The following LMBR1 variants were observed in gnomAD, a reference collection of about 807,000 sequenced individuals.
LMBR1 encodes limb development membrane protein 1.
Under a neutral mutation model 73.9 loss-of-function variants are expected in LMBR1, and 52 were observed. That is an observed-to-expected ratio of 0.70 (90% CI 0.56 to 0.89). LMBR1 has a LOEUF of 0.89. Ranked by LOEUF, LMBR1 falls within the 40% of genes least tolerant of loss-of-function variation. LMBR1 has a pLI of 0.00. For missense variants in LMBR1, 539 were observed against 579.8 expected, an observed-to-expected ratio of 0.93 and a Z score of 0.72; for synonymous variants, 215 against 209.4, an observed-to-expected ratio of 1.03 and a Z score of -0.23.
intron 1 of LMBR1, among the ~76,000 whole-genome samples, chr7:156,876,235 T>C (rs746088330): frequency 8.5e-5 from 13 of 152,186 alleles, no homozygotes; most frequent in Non-Finnish European, 1.5e-4. Context: ...GGACATTATA[T>C]AATGATAAAA....
intron 2 of LMBR1, among the ~76,000 whole-genome samples, chr7:156,835,670 G>C (rs956978453): frequency 6.7e-6 from 1 of 149,304 alleles, no homozygotes; most frequent in Non-Finnish European, 1.5e-5. Context: ...ACTCCCGCCT[G>C]GGCGACAGAG....
intron 9 of LMBR1, among the ~76,000 whole-genome samples, chr7:156,748,453 G>A (rs996175792): frequency 2.6e-5 from 4 of 151,922 alleles, no homozygotes; most frequent in Admixed American, 1.3e-4. Flanking sequence ...AAAGTAGCTC[G>A]GGTATATTAA....
chr7:156,841,534 G>A (rs1038203583), intron 1 of LMBR1, among the ~76,000 whole-genome samples: 2 of 152,154 alleles, frequency 1.3e-5, no homozygotes, highest in African/African-American at 4.8e-5. Context: ...AGCTGACTGA[G>A]AAGCAGCAGT....
At chr7:156,832,882 A>G (rs1836931977) in intron 3 of LMBR1, among the ~76,000 whole-genome samples, 1 of 152,210 alleles carries the variant, frequency 6.6e-6, no homozygotes, top group South Asian at 2.1e-4. Flanking sequence ...GAAGGAGACT[A>G]AAGGACATGA....
intron 9 of LMBR1, among the ~76,000 whole-genome samples, chr7:156,738,927 T>C (rs1818389212): frequency 6.6e-6 from 1 of 152,130 alleles, no homozygotes. Context: ...AAAGACTCCT[T>C]CTGCTTGAGA....
At chr7:156,698,106 A>T (rs1435017715) in intron 15 of LMBR1, among the ~76,000 whole-genome samples, 1 of 152,254 alleles carries the variant, frequency 6.6e-6, no homozygotes, top group Non-Finnish European at 1.5e-5. Flanking sequence ...TCCAAAATCC[A>T]GCAGGGCAGT....
At chr7:156,713,059 C>T (rs1038060843) in intron 15 of LMBR1, among the ~76,000 whole-genome samples, 27 of 152,102 alleles carry the variant, frequency 1.8e-4, no homozygotes, top group African/African-American at 6.3e-4. Flanking sequence ...TCTTATTCCA[C>T]GTTAAAAAGA....
chr7:156,732,968 A>G (rs1045776106), intron 10 of LMBR1, among the ~76,000 whole-genome samples: 1 of 152,104 alleles, frequency 6.6e-6, no homozygotes, highest in Non-Finnish European at 1.5e-5. Context: ...ACATGGCAAA[A>G]CCCCAACTCT....
intron 15 of LMBR1, among the ~76,000 whole-genome samples, chr7:156,694,214 G>A (rs1429190015): frequency 6.6e-6 from 1 of 152,042 alleles, no homozygotes. Flanking sequence ...AGGCTAGAGT[G>A]CAGAGCCTCA....
chr7:156,736,492 C>T (rs769388631), intron 9 of LMBR1: 4 of 456,376 alleles, frequency 8.8e-6, no homozygotes, highest in African/African-American at 2.0e-5. Context: ...CAAACACATA[C>T]GTGGGTTTGC....
At chr7:156,772,627 C>A (rs1480474525) in intron 5 of LMBR1, among the ~76,000 whole-genome samples, 1 of 152,016 alleles carries the variant, frequency 6.6e-6, no homozygotes, top group Non-Finnish European at 1.5e-5. Flanking sequence ...CTGGGTGGAT[C>A]ACCTGAGGTC....
At chr7:156,749,094 A>C (rs1820368316) in intron 9 of LMBR1, among the ~76,000 whole-genome samples, 1 of 152,224 alleles carries the variant, frequency 6.6e-6, no homozygotes, top group Non-Finnish European at 1.5e-5. Flanking sequence ...TTTCACGCTA[A>C]TACCAGACAT....
At chr7:156,803,532 G>T (rs1362246515) in intron 4 of LMBR1, among the ~76,000 whole-genome samples, 1 of 152,134 alleles carries the variant, frequency 6.6e-6, no homozygotes, top group African/African-American at 2.4e-5. Flanking sequence ...GGAGAAATAG[G>T]AACACTTTTG....
At chr7:156,886,047 G>GAAAAAAAAAAAA (rs59110740) in intron 1 of LMBR1, among the ~76,000 whole-genome samples, 1 of 115,722 alleles carries the variant, frequency 8.6e-6, no homozygotes, top group African/African-American at 3.3e-5. Context: ...CTCAAAAAAA[G>GAAAAAAAAAAAA]AAAAAAAAAA....
At chr7:156,676,355 T>G, downstream of LMBR1, 1 of 1,613,634 alleles carries the variant, frequency 6.2e-7, no homozygotes, top group Non-Finnish European at 8.5e-7. Flanking sequence ...GCATTTCAGT[T>G]TAAGTAACTT....
chr7:156,772,257 G>A (rs1279424989), intron 5 of LMBR1, among the ~76,000 whole-genome samples: 1 of 152,154 alleles, frequency 6.6e-6, no homozygotes, highest in Non-Finnish European at 1.5e-5. Flanking sequence ...CTGGGTGACA[G>A]AGCGAGACTC....
At chr7:156,690,351 G>A (rs1038819677) in intron 15 of LMBR1, among the ~76,000 whole-genome samples, 2 of 152,188 alleles carry the variant, frequency 1.3e-5, no homozygotes, top group African/African-American at 4.8e-5. Flanking sequence ...CTTTATGAAT[G>A]CAAGGAAATG....
chr7:156,696,855 C>T (rs1302026110), intron 15 of LMBR1, among the ~76,000 whole-genome samples: 1 of 152,182 alleles, frequency 6.6e-6, no homozygotes, highest in African/African-American at 2.4e-5. Flanking sequence ...CTCCCAAAGT[C>T]TTAACTCATT....
At chr7:156,778,126 A>G (rs778524836) in intron 5 of LMBR1, among the ~76,000 whole-genome samples, 1 of 152,250 alleles carries the variant, frequency 6.6e-6, no homozygotes, top group Non-Finnish European at 1.5e-5. Flanking sequence ...ACATTTAGCC[A>G]AAAGAACTCT....
Sources: gnomAD v4.1 joint callset for allele counts (sites outside exome capture counted in the v4.1 genomes callset) on GRCh38, gnomAD v4.1.1 for gene constraint, MANE v1.5 for transcripts, NCBI Gene and HGNC (gene_info 2026-07-23, HGNC 2026-07-21) for gene names.